AMOTL2: variants seen among roughly 807,000 people sequenced by gnomAD.
AMOTL2 encodes the protein angiomotin-like protein 2.
In AMOTL2, 33 loss-of-function variants were observed where a neutral mutation model predicts 78.4. That is an observed-to-expected ratio of 0.42 (90% confidence interval 0.32 to 0.56). The LOEUF (loss-of-function observed/expected upper bound fraction) is 0.56, where lower values mean the gene tolerates loss of function less well. Ranked by LOEUF, AMOTL2 falls within the 20% of genes least tolerant of loss-of-function variation. The pLI, the probability that AMOTL2 is intolerant of heterozygous loss-of-function variation, is 0.12. For missense variants in AMOTL2, 983 were observed against 1,030.1 expected, an observed-to-expected ratio of 0.95 and a Z score of 0.63; for synonymous variants, 422 against 428.8, an observed-to-expected ratio of 0.98 and a Z score of 0.20.
intron 4 of AMOTL2, 107 bp downstream of exon 4, chr3:134,366,176 A>G (rs2017595584): frequency 2.9e-5 from 43 of 1,461,412 alleles, no homozygotes; most frequent in Non-Finnish European, 3.9e-5. Context: ...CTCTGAGTTC[A>G]TCTGCACTTT....
intron 5 of AMOTL2, among the ~76,000 whole-genome samples, chr3:134,362,805 A>C (rs1012653208): frequency 1.3e-5 from 2 of 152,134 alleles, no homozygotes; most frequent in African/African-American, 4.8e-5. Flanking sequence ...CTGCCCCTTG[A>C]GAGTCCCAGG....
chr3:134,375,389 G>T (rs2018046962), upstream of AMOTL2: 4 of 765,742 alleles, frequency 5.2e-6, no homozygotes, highest in Non-Finnish European at 8.9e-6. Flanking sequence ...GAGAGCTTAA[G>T]CAGCGTGCCC....
At position 134,361,641 on chromosome 3, in the gene AMOTL2, A is replaced by G. The variant is rs2017368989; in HGVS notation, c.1446T>C (p.Tyr482=). ...GCTGCAGCCGCTCCACTTTCTCCAC[A>G]TAGGCCTGCTTCTTGCGCAGCTCCT... ...AEEELRKKQA[Y]VEKVERLQQA... Residue 482 remains tyrosine, a synonymous_variant, in exon 6 of 10, where the codon TAT becomes TAC. Transcript: ENST00000249883. 3.1e-6 allele frequency: 5 copies of G among 1,612,894 alleles called. No homozygotes were observed. Among genetic ancestry groups the G allele is most frequent in the Admixed American group, 1.7e-5 (1 of 60,026 alleles).
At chr3:134,364,077 C>T (rs958684558) in intron 5 of AMOTL2, among the ~76,000 whole-genome samples, 25 of 152,140 alleles carry the variant, frequency 1.6e-4, no homozygotes, top group Non-Finnish European at 1.5e-5. Flanking sequence ...AGGCGAGGCG[C>T]CGACGGGACC....
At position 134,367,575 on chromosome 3, in the gene AMOTL2, A is replaced by AT. The variant is rs1217755519; in HGVS notation, c.962dup (p.Asn321LysfsTer9). ...GCTCATTGTCTCTCTGCAGCCTGGC[A>AT]TTCTCCCTCAGCACGGCCTCCATCT... On this transcript the variant is annotated frameshift_variant, in exon 3 of 10. Coordinates refer to ENST00000249883, the MANE Select transcript of AMOTL2 (RefSeq NM_016201.4). LOFTEE classifies it high-confidence loss of function. 6.2e-7 allele frequency: 1 copy of AT among 1,613,350 alleles called. No individual in the cohort carries two copies. The highest frequency in any genetic ancestry group is 8.5e-7 in the Non-Finnish European group (1 of 1,180,044).
chr3:134,363,255 T>A (rs1283899063), intron 5 of AMOTL2, among the ~76,000 whole-genome samples: 1 of 152,044 alleles, frequency 6.6e-6, no homozygotes, highest in Non-Finnish European at 1.5e-5. Context: ...TCATTTTGGA[T>A]GTTTGAAGGC....
In AMOTL2 at chr3:134,371,276, GCCTGGGGGCTCCCTGTAC is replaced by G; in HGVS notation, c.140_157del (p.Gly47_Gln52del). On this transcript the variant is annotated inframe_deletion, in exon 2 of 10. Coordinates refer to ENST00000249883, the MANE Select transcript of AMOTL2 (RefSeq NM_016201.4). ...CTCTGGGGCCAGGATCTCCAGGGAG[GCCTGGGGGCTCCCTGTAC>G]CCCCAGTTCCAGCCCCACCCCTCAG... The G allele has an allele frequency of 6.2e-7, 1 of 1,612,590 alleles. No individual in the cohort carries two copies. The highest frequency in any genetic ancestry group is 8.5e-7 in the Non-Finnish European group (1 of 1,179,972).
chr3:134,362,133 A>C (rs1224513821), intron 5 of AMOTL2, among the ~76,000 whole-genome samples: 1 of 152,150 alleles, frequency 6.6e-6, no homozygotes, highest in Admixed American at 6.5e-5. Flanking sequence ...CACATCCACA[A>C]TATCCCTTGA....
chr3:134,359,603 TC>T, intron 7 of AMOTL2, 100 bp from the exon 8 acceptor site: 2 of 927,690 alleles, frequency 2.2e-6, no homozygotes. Flanking sequence ...CCCCCCCAAC[TC>T]CCCCAACCCT....
chr3:134,358,541 C>T lies in AMOTL2; in HGVS notation c.2283G>A (p.Leu761=). 1 of 1,612,630 alleles carries T rather than the reference C, an allele frequency of 6.2e-7. No homozygotes were observed. Residue 761 remains leucine (L), a splice_region_variant and synonymous_variant, in exon 9 of 10, where the codon CTG becomes CTA. Transcript: ENST00000249883. ...AGAAGTGGGGTCAGGAGGACTTACC[C>T]AGAGAGGCTGCTCTCTGGCTACTGC... The part of the protein sequence containing the change: ...GCSSSQRAAS[L]DSVATSRVQD...
chr3:134,359,519 C>A lies in AMOTL2; in HGVS notation c.1884-16G>T. On this transcript the variant is annotated splice_polypyrimidine_tract_variant and intron_variant, in intron 7 of 9. Coordinates refer to ENST00000249883, the MANE Select transcript of AMOTL2 (RefSeq NM_016201.4). ...CACCTTTAACCTGAGGGGTGAGAGG[C>A]CATGCCCACATTGTCAGACCCACAG... 1 of 1,597,534 alleles carries A rather than the reference C, an allele frequency of 6.3e-7. No individual in the cohort carries two copies.
At position 134,355,558 on chromosome 3, in the gene AMOTL2, C is replaced by G. The variant is rs1233813101; in HGVS notation, c.*2147G>C. 6.6e-6 allele frequency among the ~76,000 whole-genome samples: 1 copy of G among 152,164 alleles called. No individual in the cohort carries two copies. Among genetic ancestry groups the G allele is most frequent in the Non-Finnish European group, 1.5e-5 (1 of 68,042 alleles). ...GAAAAGGAGTGGGGGAAGGATAAAG[C>G]CATCTTTGGACACCCACTCCCACTG... On this transcript the variant is annotated 3_prime_UTR_variant, in exon 10 of 10. Coordinates refer to ENST00000249883, the MANE Select transcript of AMOTL2 (RefSeq NM_016201.4).
chr3:134,358,663 T>C lies in AMOTL2; in HGVS notation c.2161A>G (p.Lys721Glu), dbSNP rs548908346. 1 of 1,613,794 alleles carries C rather than the reference T, an allele frequency of 6.2e-7. No individual in the cohort carries two copies. Among genetic ancestry groups the C allele is most frequent in the Non-Finnish European group, 8.5e-7 (1 of 1,179,780 alleles). Residue 721 changes from lysine to glutamate, a missense_variant, in exon 9 of 10, where the codon AAA (lysine) becomes GAA (glutamate). Physicochemically the swap from Lys to Glu is moderately conservative, Grantham distance 56. Transcript: ENST00000249883. ...GTGCTCCCATCTCTGCTCCCGTGTT[T>C]GGCATGGGCAGCAGGGGGAGCTGTG... ...VVTAPPAAHA[K>E]HGSRDGSTQT...
At chr3:134,359,257 C>T in intron 8 of AMOTL2, 26 bp downstream of exon 8, 1 of 1,610,000 alleles carries the variant, frequency 6.2e-7, no homozygotes. Context: ...ACCTCTCAAT[C>T]TATCCCAGCA....
At chr3:134,375,396 G>A, upstream of AMOTL2, 1 of 730,762 alleles carries the variant, frequency 1.4e-6, no homozygotes, top group East Asian at 2.7e-5. Flanking sequence ...TAAGCAGCGT[G>A]CCCAGAGTCA....
intron 1 of AMOTL2, chr3:134,373,452 T>TC (rs1429395685): frequency 1.0e-6 from 1 of 984,846 alleles, no homozygotes; most frequent in African/African-American, 1.7e-5. Flanking sequence ...CAGATTCACG[T>TC]CCTTTCAGAC....
intron 6 of AMOTL2, 98 bp from the exon 7 acceptor site, chr3:134,360,511 G>A (rs2017310926): frequency 2.8e-6 from 3 of 1,054,558 alleles, no homozygotes; most frequent in Non-Finnish European, 4.2e-6. Context: ...GTACATGTAC[G>A]TGTTCAGCCA....
In AMOTL2 at chr3:134,374,340, A is replaced by G. The variant is rs888925360; in HGVS notation, c.-62+2T>C. The G allele has an allele frequency of 3.0e-6, 3 of 984,462 alleles. No individual in the cohort carries two copies. Among genetic ancestry groups the G allele is most frequent in the Non-Finnish European group, 3.6e-6 (3 of 829,780 alleles). The allele number at this position is 984,462 out of a possible 1,614,324, so 61.0% of individuals were successfully genotyped here. A position where few individuals can be genotyped will look rare whatever the true frequency, so the allele number is the denominator to read the frequency against. On this transcript the variant is annotated splice_donor_variant, in intron 1 of 9. Coordinates refer to ENST00000249883, the MANE Select transcript of AMOTL2 (RefSeq NM_016201.4). LOFTEE classifies it low-confidence loss of function (5UTR_SPLICE). ...TCCCGAGCGCCGAGCGGCCTTCCTT[A>G]CCGCTGCGGCCCGAGGGTGCCCAGC...
Position 134,361,648 on chromosome 3 carries a change from T to C in AMOTL2, c.1439A>G (p.Gln480Arg). The change falls in exon 6 of 10, where the codon CAG (glutamine) becomes CGG (arginine). Residue 480 changes from glutamine (Q) to arginine (R), a missense_variant. By Grantham distance (43) the Gln-to-Arg change is conservative. Transcript: ENST00000249883. The stretch of plus-strand genomic sequence containing the variant: ...CCGCTCCACTTTCTCCACATAGGCC[T>C]GCTTCTTGCGCAGCTCCTCTTCGGC... ...ARAEEELRKKQAYVEKVERLQ... is the reference protein window; with the variant it reads ...ARAEEELRKKRAYVEKVERLQ... 1 of 1,612,768 alleles carries C rather than the reference T, an allele frequency of 6.2e-7. No individual in the cohort carries two copies. Among genetic ancestry groups the C allele is most frequent in the East Asian group, 2.2e-5 (1 of 44,880 alleles).
Sources: gnomAD v4.1 joint callset for allele counts (sites outside exome capture counted in the v4.1 genomes callset) on GRCh38, gnomAD v4.1.1 for gene constraint, MANE v1.5 for transcripts, NCBI Gene and HGNC (gene_info 2026-07-23, HGNC 2026-07-21) for gene names.